Variants in FNDC3B observed in about 807,000 individuals in gnomAD.
The protein encoded by FNDC3B is fibronectin type III domain-containing protein 3B.
FNDC3B carries 12 observed loss-of-function variants against 151.5 expected under a neutral mutation model. The observed-to-expected ratio is 0.08, with a 90% CI of 0.05 to 0.13. FNDC3B has a LOEUF of 0.13. FNDC3B is among the 10% of genes least tolerant of loss of function. The pLI is 1.00. For synonymous variants in FNDC3B, 528 were observed against 549.0 expected (o/e 0.96, Z 0.54); for missense variants, 1,214 against 1,505.3 (o/e 0.81, Z 3.20).
In FNDC3B at chr3:172,378,294, C is replaced by T. The variant is rs1421159517; in HGVS notation, c.3033C>T (p.Pro1011=). The T allele has an allele frequency of 1.9e-6, 3 of 1,608,846 alleles. No individual in the cohort carries two copies. The highest frequency in any genetic ancestry group is 2.2e-5 in the South Asian group (2 of 90,126). ...GGTTTATTTCAATCTACAGAGGACC[C>T]AGCCACACCTACAAGGTCCAGAGAC... The part of the protein sequence containing the change: ...NKRFISIYRG[P]SHTYKVQRLT... Residue 1011 remains proline, a synonymous_variant, in exon 24 of 26, where the codon CCC becomes CCT. Transcript: ENST00000415807.
At chr3:172,276,760 C>T (rs1729452465) in intron 6 of FNDC3B, among the ~76,000 whole-genome samples, 1 of 152,146 alleles carries the variant, frequency 6.6e-6, no homozygotes, top group Non-Finnish European at 1.5e-5. Flanking sequence ...GAGGAAATAG[C>T]ATCACACTAC....
intron 11 of FNDC3B, among the ~76,000 whole-genome samples, chr3:172,327,783 C>G (rs1036488491): frequency 1.3e-5 from 2 of 152,168 alleles, no homozygotes; most frequent in Admixed American, 1.3e-4. Context: ...TTAAAACCAC[C>G]TGGAATGTGT....
rs75789618 is a variant in FNDC3B at position 172,232,958 on chromosome 3, A to G, written c.264+6011A>G. Among the ~76,000 whole-genome samples, 40 of 152,334 alleles carry G rather than the reference A, an allele frequency of 2.6e-4. No homozygotes were observed. The East Asian group carries it at 4.1e-3, about 15-fold the overall frequency. On this transcript the variant is annotated intron_variant, in intron 4 of 25. Coordinates refer to ENST00000415807, the MANE Select transcript of FNDC3B (RefSeq NM_022763.4). ...GAAAAAGACTGTTACAACAGTTCCAATGGAAGTTTGGCAGAGCTTGCCCTC... is the reference window on the plus strand; with the variant it reads ...GAAAAAGACTGTTACAACAGTTCCAGTGGAAGTTTGGCAGAGCTTGCCCTC...
At chr3:172,073,358 G>A (rs1271130722) in intron 1 of FNDC3B, among the ~76,000 whole-genome samples, 1 of 152,208 alleles carries the variant, frequency 6.6e-6, no homozygotes, top group Admixed American at 6.5e-5. Flanking sequence ...CAGTTCGAAT[G>A]TAGAGACTGG....
chr3:172,179,888 G>C, intron 3 of FNDC3B, among the ~76,000 whole-genome samples: 1 of 140,818 alleles, frequency 7.1e-6, no homozygotes, highest in South Asian at 2.3e-4. Flanking sequence ...AAAAAAAAGA[G>C]TGTAAACAGG....
At chr3:172,141,056 C>G (rs980067727) in intron 3 of FNDC3B, among the ~76,000 whole-genome samples, 1 of 151,652 alleles carries the variant, frequency 6.6e-6, no homozygotes, top group African/African-American at 2.4e-5. Flanking sequence ...ATGATAGTAC[C>G]TATCTGATAG....
At chr3:172,304,884 G>A (rs1263552095) in intron 9 of FNDC3B, among the ~76,000 whole-genome samples, 5 of 145,630 alleles carry the variant, frequency 3.4e-5, no homozygotes, top group African/African-American at 1.3e-4. Context: ...GCGACAGAGC[G>A]AGACTTCATC....
intron 7 of FNDC3B, among the ~76,000 whole-genome samples, chr3:172,293,542 C>G (rs928955996): frequency 6.6e-6 from 1 of 152,090 alleles, no homozygotes; most frequent in African/African-American, 2.4e-5. Flanking sequence ...TAGGGAGTCT[C>G]AAAGCCCAAG....
chr3:172,155,488 T>C (rs1337970745), intron 3 of FNDC3B, among the ~76,000 whole-genome samples: 11 of 152,234 alleles, frequency 7.2e-5, no homozygotes, highest in Admixed American at 5.2e-4. Flanking sequence ...ACCTCATTCC[T>C]GGTTCAGCAC....
chr3:172,243,005 C>T (rs1355609271), intron 4 of FNDC3B, among the ~76,000 whole-genome samples: 1 of 152,154 alleles, frequency 6.6e-6, no homozygotes, highest in Non-Finnish European at 1.5e-5. Context: ...CAAAGTCCCA[C>T]AAATCTCTAG....
At chr3:172,332,027 G>A (rs975054109) in intron 13 of FNDC3B, among the ~76,000 whole-genome samples, 4 of 152,154 alleles carry the variant, frequency 2.6e-5, no homozygotes, top group African/African-American at 9.7e-5. Flanking sequence ...CTGGAGTGCG[G>A]TGGTGCAATC....
intron 11 of FNDC3B, among the ~76,000 whole-genome samples, chr3:172,317,626 G>A (rs146465471): frequency 1.5e-4 from 23 of 152,284 alleles, no homozygotes; most frequent in Admixed American, 2.6e-4. Flanking sequence ...GTTATCTCAC[G>A]GGTACGTAAG....
intron 7 of FNDC3B, among the ~76,000 whole-genome samples, chr3:172,292,170 G>A (rs1389371649): frequency 6.6e-6 from 1 of 152,196 alleles, no homozygotes; most frequent in Admixed American, 6.5e-5. Flanking sequence ...GAAAGGGAGA[G>A]AGCAGGAGGA....
At chr3:172,245,446 A>G (rs1159456244) in intron 4 of FNDC3B, among the ~76,000 whole-genome samples, 1 of 152,180 alleles carries the variant, frequency 6.6e-6, no homozygotes, top group Admixed American at 6.5e-5. Flanking sequence ...AAAGAGAAAC[A>G]TCTGGAATAT....
rs183411666 is a variant in FNDC3B, at chr3:172,127,661, G to A, written c.112-5810G>A. On this transcript the variant is annotated intron_variant, in intron 2 of 25. Coordinates refer to ENST00000415807, the MANE Select transcript of FNDC3B (RefSeq NM_022763.4). ...AGGATACAGCTTTTTTTTAAACAAA[G>A]AACAGCACATTTTTATTTTTAAGTT... 5.3e-4 allele frequency among the ~76,000 whole-genome samples: 80 copies of A among 152,112 alleles called. 1 individual carries two copies. In the East Asian group the frequency reaches 0.014, roughly 27 times the overall value.
At position 172,378,439 on chromosome 3, in the gene FNDC3B, G is replaced by A. The variant is rs761927120; in HGVS notation, c.3175+3G>A. ...AAGTGTCCCCCCCACCATCAAAGGT[G>A]TGTAGACTATGTATTCTTTCTCGCT... On this transcript the variant is annotated splice_donor_region_variant and intron_variant, in intron 24 of 25. Coordinates refer to ENST00000415807, the MANE Select transcript of FNDC3B (RefSeq NM_022763.4). 18 of 1,602,530 alleles carry A rather than the reference G, an allele frequency of 1.1e-5. No individual in the cohort carries two copies. In the Middle Eastern group the frequency reaches 6.7e-4, roughly 59 times the overall value.
chr3:172,283,353 T>G (rs1484392433), intron 6 of FNDC3B, among the ~76,000 whole-genome samples: 1 of 152,174 alleles, frequency 6.6e-6, no homozygotes, highest in Non-Finnish European at 1.5e-5. Flanking sequence ...GAGGGGGCGT[T>G]CCAGTTTTTG....
At chr3:172,247,920 T>G in intron 5 of FNDC3B, 144 bp downstream of exon 5, 1 of 876,258 alleles carries the variant, frequency 1.1e-6, no homozygotes, top group Admixed American at 2.6e-5. Context: ...AATTCCTAGC[T>G]TCCTTTGTCC....
intron 23 of FNDC3B, among the ~76,000 whole-genome samples, chr3:172,375,254 A>G (rs183814927): frequency 7.2e-5 from 11 of 152,328 alleles, no homozygotes; most frequent in African/African-American, 2.2e-4. Context: ...GGCATTAGCT[A>G]TGATCATCTT....
Sources: gnomAD v4.1 joint callset for allele counts (sites outside exome capture counted in the v4.1 genomes callset) on GRCh38, gnomAD v4.1.1 for gene constraint, MANE v1.5 for transcripts, NCBI Gene and HGNC (gene_info 2026-07-23, HGNC 2026-07-21) for gene names.